ACP3: variants seen among roughly 807,000 people sequenced by gnomAD.
The protein encoded by ACP3 is acid phosphatase 3, also known as prostatic acid phosphatase.
A neutral mutation model predicts 45.6 loss-of-function variants in ACP3; 38 were observed. The ratio of observed to expected loss-of-function variants is 0.83; its 90% CI spans 0.64 to 1.09. ACP3 has a LOEUF of 1.09. Among genes scored for constraint, ACP3 ranks in the 50% least tolerant of loss-of-function variants. The pLI, the probability that ACP3 is intolerant of heterozygous loss-of-function variation, is 0.00. For synonymous variants in ACP3, 162 were observed against 164.7 expected (o/e 0.98, Z 0.13); for missense variants, 466 against 463.2 (o/e 1.01, Z -0.05).
At chr3:132,345,830 G>A (rs997547034) in intron 7 of ACP3, among the ~76,000 whole-genome samples, 6 of 152,162 alleles carry the variant, frequency 3.9e-5, no homozygotes, top group African/African-American at 1.4e-4. Context: ...CAAAGACAAG[G>A]ACAGATGTTG....
chr3:132,319,848 T>G (rs547140803), intron 1 of ACP3, among the ~76,000 whole-genome samples: 4 of 152,182 alleles, frequency 2.6e-5, no homozygotes, highest in Non-Finnish European at 5.9e-5. Context: ...TTTGCTGGAT[T>G]AGCTTGACTC....
chr3:132,356,616 G>T, intron 9 of ACP3, 70 bp from the exon 10 acceptor site: 2 of 1,605,858 alleles, frequency 1.2e-6, no homozygotes, highest in Non-Finnish European at 1.7e-6. Context: ...TAGTCCAAGT[G>T]GAAAGAAATT....
intron 1 of ACP3, among the ~76,000 whole-genome samples, chr3:132,327,997 T>A (rs1368078939): frequency 6.6e-6 from 1 of 152,182 alleles, no homozygotes. Context: ...ACAGTGAAAG[T>A]GTTAGTGAAC....
At chr3:132,367,601 C>A in intron 10 of ACP3, 1 of 864,766 alleles carries the variant, frequency 1.2e-6, no homozygotes, top group East Asian at 2.5e-5. Context: ...TTTAGCAACT[C>A]CTCTGAAATT....
chr3:132,355,970 C>T (rs1166439642), intron 9 of ACP3, among the ~76,000 whole-genome samples: 1 of 152,220 alleles, frequency 6.6e-6, no homozygotes, highest in African/African-American at 2.4e-5. Context: ...CCCCTCCTGA[C>T]TCCTTGATTA....
Position 132,358,415 on chromosome 3 carries a change from A to G in ACP3, c.*1537A>G. The G allele has an allele frequency of 1.6e-6, 2 of 1,265,384 alleles. No individual in the cohort carries two copies. The highest frequency in any genetic ancestry group is 2.1e-6 in the Non-Finnish European group (2 of 974,724). 78.4% of individuals were successfully genotyped at this position (1,265,384 alleles called of 1,614,324 possible). ...CTTCAGAAAACCTAAGCAAACTTAC[A>G]GGTCCTGCTGAAACTGCCCACTCTG... is the stretch of plus-strand genomic sequence containing the variant. On this transcript the variant is annotated 3_prime_UTR_variant, in exon 10 of 10. Transcript: ENST00000336375.
Position 132,356,703 on chromosome 3 carries a change from T to G in ACP3, c.986T>G (p.Met329Arg). 6.2e-7 allele frequency: 1 copy of G among 1,614,068 alleles called. No individual in the cohort carries two copies. The highest frequency in any genetic ancestry group is 1.7e-4 in the Middle Eastern group (1 of 5,980). The change falls in exon 10 of 10, where the codon ATG becomes AGG. Residue 329 changes from methionine to arginine, a missense_variant. Transcript: ENST00000336375. The part of the protein sequence containing the change: ...YFEKGEYFVE[M>R]YYRNETQHEP... ...TCTGCCAGGGAGTACTTTGTGGAGA[T>G]GTACTATCGGAATGAGACGCAGCAC...
Position 132,349,981 on chromosome 3 carries a change from A to C in ACP3, c.843A>C (p.Lys281Asn), listed in dbSNP as rs1462294942. ...MKRATQIPSYKKLIMYSAHDT... is the reference protein window; with the variant it reads ...MKRATQIPSYNKLIMYSAHDT... ...GAGCAACTCAGATACCAAGCTACAA[A>C]AAACTCATCATGTATTCTGCGGTAA... Residue 281 changes from lysine to asparagine, a missense_variant, in exon 8 of 10, where the codon AAA (lysine) becomes AAC (asparagine). Transcript: ENST00000336375. 1.2e-6 allele frequency: 2 copies of C among 1,609,264 alleles called. No individual in the cohort carries two copies. The highest frequency in any genetic ancestry group is 8.5e-7 in the Non-Finnish European group (1 of 1,175,668).
At chr3:132,365,236 G>C (rs1938110689) in intron 10 of ACP3, among the ~76,000 whole-genome samples, 1 of 152,262 alleles carries the variant, frequency 6.6e-6, no homozygotes, top group Non-Finnish European at 1.5e-5. Context: ...TAGAGGGAGA[G>C]AGGGATAGAT....
Position 132,357,074 on chromosome 3 carries a change from G to A in ACP3, c.*196G>A. ...CTGCCCCCACTTGCCATAAAACTTAGCTAAGTTTTGTTTTGTTTTTCAGCG... is the reference window on the plus strand; with the variant it reads ...CTGCCCCCACTTGCCATAAAACTTAACTAAGTTTTGTTTTGTTTTTCAGCG... On this transcript the variant is annotated 3_prime_UTR_variant, in exon 10 of 10. Transcript: ENST00000336375. The A allele has an allele frequency of 1.5e-6, 2 of 1,325,136 alleles. No individual in the cohort carries two copies. The highest frequency in any genetic ancestry group is 1.9e-6 in the Non-Finnish European group (2 of 1,038,828). The allele number at this position is 1,325,136 out of a possible 1,614,324, so 82.1% of individuals were successfully genotyped here.
In ACP3 at chr3:132,342,617, T is replaced by C; in HGVS notation, c.621T>C (p.Ser207=). 6.2e-7 allele frequency: 1 copy of C among 1,609,654 alleles called. No homozygotes were observed. Among genetic ancestry groups the C allele is most frequent in the South Asian group, 1.1e-5 (1 of 90,658 alleles). The part of the protein sequence containing the change: ...LHGQDLFGIW[S]KVYDPLYCES... Reference sequence around the variant, plus strand: ...GCCAGGACCTTTTTGGAATTTGGAGTAAAGTCTACGACCCTTTATATTGTG... The same window carrying C: ...GCCAGGACCTTTTTGGAATTTGGAGCAAAGTCTACGACCCTTTATATTGTG... The change falls in exon 6 of 10, where the codon AGT becomes AGC. Residue 207 remains serine, a synonymous_variant. Coordinates refer to ENST00000336375, the MANE Select transcript of ACP3 (RefSeq NM_001099.5).
chr3:132,340,630 A>G (rs1276047942), intron 5 of ACP3, among the ~76,000 whole-genome samples: 1 of 152,150 alleles, frequency 6.6e-6, no homozygotes, highest in African/African-American at 2.4e-5. Flanking sequence ...AAGATTATCT[A>G]ATTGCTCCAT....
At position 132,328,505 on chromosome 3, in the gene ACP3, C is replaced by A. The variant is rs1013118699; in HGVS notation, c.216+143C>A. ...ACCAGCCTGGCCAACGTGGTGAAAC[C>A]CTCTCTCTACTAAAAATACAAAAAT... On this transcript the variant is annotated intron_variant, in intron 2 of 9. Transcript: ENST00000336375. 3 of 534,830 alleles carry A rather than the reference C, an allele frequency of 5.6e-6. No homozygotes were observed. In the East Asian group the frequency reaches 1.1e-4, roughly 20 times the overall value. 33.1% of individuals were successfully genotyped at this position (534,830 alleles called of 1,614,324 possible).
At chr3:132,319,925 G>T (rs547975938) in intron 1 of ACP3, among the ~76,000 whole-genome samples, 3 of 152,244 alleles carry the variant, frequency 2.0e-5, no homozygotes, top group Admixed American at 6.5e-5. Flanking sequence ...CCCCAATTCT[G>T]AAAAGCTGTT....
chr3:132,340,309 C>A (rs1425727157), intron 5 of ACP3, among the ~76,000 whole-genome samples: 2 of 145,066 alleles, frequency 1.4e-5, no homozygotes, highest in African/African-American at 5.0e-5. Flanking sequence ...GAACGAAATT[C>A]CGTCTCAAAA....
At chr3:132,343,995 G>C (rs1937579533) in intron 6 of ACP3, among the ~76,000 whole-genome samples, 2 of 152,050 alleles carry the variant, frequency 1.3e-5, no homozygotes, top group Non-Finnish European at 2.9e-5. Flanking sequence ...AATTAGCCAC[G>C]TGTGGCCAGG....
At chr3:132,360,186 C>T (rs944827738), downstream of ACP3, among the ~76,000 whole-genome samples, 17 of 152,048 alleles carry the variant, frequency 1.1e-4, no homozygotes, top group Non-Finnish European at 1.2e-4. Context: ...ACAGAGAAGG[C>T]TGAAACATGG....
intron 1 of ACP3, among the ~76,000 whole-genome samples, chr3:132,323,684 T>C (rs2107793045): frequency 6.6e-6 from 1 of 152,254 alleles, no homozygotes; most frequent in Admixed American, 6.5e-5. Context: ...AAATTTAGTA[T>C]ATTGGATGTA....
intron 5 of ACP3, among the ~76,000 whole-genome samples, chr3:132,342,068 T>C (rs1937558165): frequency 1.3e-5 from 2 of 152,228 alleles, no homozygotes; most frequent in Admixed American, 1.3e-4. Flanking sequence ...AAATATGCTT[T>C]CCTTTCTCAC....
Sources: gnomAD v4.1 joint callset for allele counts (sites outside exome capture counted in the v4.1 genomes callset) on GRCh38, gnomAD v4.1.1 for gene constraint, MANE v1.5 for transcripts, NCBI Gene and HGNC (gene_info 2026-07-23, HGNC 2026-07-21) for gene names.